The following AARS2 variants were observed in gnomAD, a reference collection of about 807,000 sequenced individuals.
AARS2 encodes the protein alanine--tRNA ligase, mitochondrial.
AARS2 carries 78 observed loss-of-function variants against 119.7 expected under a neutral mutation model. The observed-to-expected ratio is 0.65, with a 90% CI of 0.54 to 0.79. The LOEUF (loss-of-function observed/expected upper bound fraction) is 0.79. Ranked by LOEUF, AARS2 falls within the 30% of genes least tolerant of loss-of-function variation. AARS2 has a pLI of 0.00. For synonymous variants in AARS2, 502 were observed against 526.3 expected, an observed-to-expected ratio of 0.95 and a Z score of 0.63; for missense variants, 1,157 against 1,291.3, an observed-to-expected ratio of 0.90 and a Z score of 1.59.
In AARS2 at chr6:44,303,408, C is replaced by G. The variant is rs1446969700; in HGVS notation, c.2023G>C (p.Glu675Gln). 34 of 1,614,062 alleles carry G rather than the reference C, an allele frequency of 2.1e-5. No individual in the cohort carries two copies. Among genetic ancestry groups the G allele is most frequent in the Non-Finnish European group, 2.6e-5 (31 of 1,180,038 alleles). The change falls in exon 15 of 22, where the codon GAG (glutamate) becomes CAG (glutamine). Residue 675 changes from glutamate (E) to glutamine (Q), a missense_variant. Glu to Gln is a conservative substitution (Grantham distance 29). Transcript: ENST00000244571. ...DVTTQTPLTP[E>Q]QLRAVENTVQ... ...GTGTTCTCCACTGCCCGGAGCTGCT[C>G]TGGGGTCAATGGGGTCTGGAGGGGT...
intron 5 of AARS2, among the ~76,000 whole-genome samples, chr6:44,308,901 C>T (rs565221613): frequency 2.4e-4 from 36 of 152,284 alleles, no homozygotes; most frequent in African/African-American, 8.4e-4. Context: ...CGTGCCCAGC[C>T]CTGAGAACTC....
chr6:44,308,425 G>C (rs569286225), intron 5 of AARS2, among the ~76,000 whole-genome samples: 1 of 151,886 alleles, frequency 6.6e-6, no homozygotes, highest in African/African-American at 2.4e-5. Flanking sequence ...TGTAATCCCA[G>C]CTACTCTGGA....
chr6:44,306,321 T>A lies in AARS2; in HGVS notation c.1259A>T (p.Asp420Val). ...AGGCCCCAGGGTCCTCAGAGTCCGATCAATGATCCGCCTACCCCGCTCCAG... is the reference window on the plus strand; with the variant it reads ...AGGCCCCAGGGTCCTCAGAGTCCGAACAATGATCCGCCTACCCCGCTCCAG... ...ASLERGRRII[D>V]RTLRTLGPSD... Residue 420 changes from aspartate (D) to valine (V), a missense_variant, in exon 9 of 22, where the codon GAT (aspartate) becomes GTT (valine). Coordinates refer to ENST00000244571, the MANE Select transcript of AARS2 (RefSeq NM_020745.4). 6.2e-7 allele frequency: 1 copy of A among 1,614,100 alleles called. No individual in the cohort carries two copies. The highest frequency in any genetic ancestry group is 8.5e-7 in the Non-Finnish European group (1 of 1,179,988).
intron 9 of AARS2, among the ~76,000 whole-genome samples, chr6:44,306,021 G>A (rs1411001852): frequency 6.6e-6 from 1 of 152,166 alleles, no homozygotes; most frequent in East Asian, 1.9e-4. Context: ...CAAGGGAGGA[G>A]GGAAGCTCAG....
rs535556396 is a variant in AARS2 at position 44,305,307 on chromosome 6, G to T, written c.1435-109C>A. ...CTGCCACACAGCTGTGGACTCTGCA[G>T]CCCTTCTGGAATAAGAACTCAGGGC... On this transcript the variant is annotated intron_variant, in intron 10 of 21. Coordinates refer to ENST00000244571, the MANE Select transcript of AARS2 (RefSeq NM_020745.4). This position sits in a 1 kb window ranked among gnomAD's most constrained non-coding sequence, Gnocchi z 4.6. 1 of 1,519,020 alleles carries T rather than the reference G, an allele frequency of 6.6e-7. No homozygotes were observed. Among genetic ancestry groups the T allele is most frequent in the East Asian group, 2.3e-5 (1 of 44,016 alleles). 94.1% of individuals were successfully genotyped at this position (1,519,020 alleles called of 1,614,324 possible).
chr6:44,311,577 G>A (rs1417463207), intron 2 of AARS2, 42 bp from the exon 3 acceptor site: 2 of 1,609,530 alleles, frequency 1.2e-6, no homozygotes, highest in South Asian at 2.2e-5. Flanking sequence ...GAAGACGGGT[G>A]AGAGGGAGAC....
chr6:44,311,619 G>C lies in AARS2; in HGVS notation c.436-84C>G, dbSNP rs1786367497. 3 of 1,505,608 alleles carry C rather than the reference G, an allele frequency of 2.0e-6. No homozygotes were observed. The Admixed American group carries it at 5.3e-5, about 27-fold the overall frequency. 93.3% of individuals were successfully genotyped at this position (1,505,608 alleles called of 1,614,324 possible). A position where few individuals can be genotyped will look rare whatever the true frequency, so the allele number is the denominator to read the frequency against. ...GAAGTAATCAAGCCACATGAGTTTA[G>C]CTCCCGACTTAAGACAAAAGCATTT... On this transcript the variant is annotated intron_variant, in intron 2 of 21. Transcript: ENST00000244571.
At chr6:44,304,903 C>A in intron 11 of AARS2, 86 bp from the exon 12 acceptor site, 1 of 1,608,452 alleles carries the variant, frequency 6.2e-7, no homozygotes, top group South Asian at 1.1e-5. Context: ...ACAAGCACCC[C>A]CGCTGGCAGG....
chr6:44,302,311 G>A, intron 18 of AARS2, 80 bp downstream of exon 18: 1 of 1,613,060 alleles, frequency 6.2e-7, no homozygotes, highest in Non-Finnish European at 8.5e-7. Flanking sequence ...GGAGTGCTAG[G>A]GAGAGTCTGA....
intron 14 of AARS2, 110 bp downstream of exon 14, chr6:44,304,071 C>G: frequency 6.6e-7 from 1 of 1,518,798 alleles, no homozygotes; most frequent in Non-Finnish European, 9.0e-7. Context: ...GATTGGGTGG[C>G]CGTGCTGGGC....
At position 44,300,449 on chromosome 6, in the gene AARS2, C is replaced by T. The variant is rs1785263840; in HGVS notation, c.*98G>A. The T allele has an allele frequency of 5.8e-6, 9 of 1,559,066 alleles. No homozygotes were observed. Among genetic ancestry groups the T allele is most frequent in the Admixed American group, 3.3e-5 (2 of 59,854 alleles). ...TTTGGCTCAGCTGCTTGGCCTCCAG[C>T]CTCTAGTCCTCGCTTCAGCATGTGG... On this transcript the variant is annotated 3_prime_UTR_variant, in exon 22 of 22. Coordinates refer to ENST00000244571, the MANE Select transcript of AARS2 (RefSeq NM_020745.4).
In AARS2 at chr6:44,300,258, T is replaced by C. The variant is rs377593344; in HGVS notation, c.*289A>G. On this transcript the variant is annotated 3_prime_UTR_variant, in exon 22 of 22. Transcript: ENST00000244571. ...CCTCCCAAAGTGCTTGGATTACAGG[T>C]GTGAACCACCACACCCGGCCAGTGA... 3.8e-5 allele frequency: 18 copies of C among 474,614 alleles called. No individual in the cohort carries two copies. The highest frequency in any genetic ancestry group is 6.4e-5 in the South Asian group (3 of 47,198). The allele number at this position is 474,614 out of a possible 1,614,324, so 29.4% of individuals were successfully genotyped here.
At chr6:44,301,994 T>G in intron 19 of AARS2, 66 bp downstream of exon 19, 147 of 1,533,672 alleles carry the variant, frequency 9.6e-5, no homozygotes, top group Non-Finnish European at 1.2e-4. Flanking sequence ...CCCCAGCCCT[T>G]GAGACTTCTC....
intron 5 of AARS2, 146 bp downstream of exon 5, chr6:44,310,153 G>A: frequency 1.8e-6 from 2 of 1,129,178 alleles, no homozygotes; most frequent in Non-Finnish European, 2.6e-6. Context: ...GAATCCTAGT[G>A]TCTTGCTTGA....
chr6:44,309,731 T>A (rs1288641395), intron 5 of AARS2, among the ~76,000 whole-genome samples: 3 of 152,002 alleles, frequency 2.0e-5, no homozygotes. Flanking sequence ...CTCTTTCCCC[T>A]CCCCATCTAA....
At chr6:44,306,555 A>C (rs1785868921) in intron 7 of AARS2, 23 bp from the exon 8 acceptor site, 1 of 1,613,904 alleles carries the variant, frequency 6.2e-7, no homozygotes, top group Non-Finnish European at 8.5e-7. Context: ...GAGAGGGCTG[A>C]GGAGGTGTGA....
rs113580146 is a variant in AARS2 at position 44,303,981 on chromosome 6, G to A, written c.2007+200C>T. 9.9e-3 allele frequency among the ~76,000 whole-genome samples: 1,512 copies of A among 152,260 alleles called. 21 individuals are homozygous for A. Among genetic ancestry groups the A allele is most frequent in the African/African-American group, 0.035 (1,435 of 41,544 alleles). Reference sequence around the variant, plus strand: ...GGATCCCACATCAGAGCTGGGCGAGGCCCCAGACACTCTGTAGCCTGACTC... The same window carrying A: ...GGATCCCACATCAGAGCTGGGCGAGACCCCAGACACTCTGTAGCCTGACTC... On this transcript the variant is annotated intron_variant, in intron 14 of 21. Coordinates refer to ENST00000244571, the MANE Select transcript of AARS2 (RefSeq NM_020745.4).
chr6:44,302,702 C>G (rs879686109), intron 17 of AARS2, 100 bp downstream of exon 17: 19 of 1,458,164 alleles, frequency 1.3e-5, no homozygotes, highest in African/African-American at 1.1e-4. Flanking sequence ...AGTATGAACA[C>G]TGGCTCTGCT....
At position 44,312,930 on chromosome 6, in the gene AARS2, C is replaced by T. The variant is rs17288082; in HGVS notation, c.243+151G>A. ...CAAGCCCTCCCTATACTCTGAGCGC[C>T]GTACCCCCATCACTTTACCCAACCA... On this transcript the variant is annotated intron_variant, in intron 1 of 21. Coordinates refer to ENST00000244571, the MANE Select transcript of AARS2 (RefSeq NM_020745.4). 35,030 of 1,230,194 alleles carry T rather than the reference C, an allele frequency of 0.028. 596 individuals are homozygous for T. Among genetic ancestry groups the T allele is most frequent in the Non-Finnish European group, 0.034 (29,394 of 872,416 alleles). The allele number at this position is 1,230,194 out of a possible 1,614,324, so 76.2% of individuals were successfully genotyped here. A position where few individuals can be genotyped will look rare whatever the true frequency, so the allele number is the denominator to read the frequency against.
Sources: gnomAD v4.1 joint callset for allele counts (sites outside exome capture counted in the v4.1 genomes callset) on GRCh38, gnomAD v4.1.1 for gene constraint, Gnocchi (gnomAD v3.1) non-coding constraint, MANE v1.5 for transcripts, NCBI Gene and HGNC (gene_info 2026-07-23, HGNC 2026-07-21) for gene names.